Variants in SCHIP1 observed in about 807,000 individuals in gnomAD.
SCHIP1 encodes the protein schwannomin interacting protein 1.
A neutral mutation model predicts 29.7 loss-of-function variants in SCHIP1; 8 were observed. The ratio of observed to expected loss-of-function variants is 0.27; its 90% CI spans 0.16 to 0.49. The LOEUF (loss-of-function observed/expected upper bound fraction) is 0.49, where lower values mean the gene tolerates loss of function less well. Among genes scored for constraint, SCHIP1 ranks in the 20% least tolerant of loss-of-function variants. The probability of loss-of-function intolerance (pLI) is 0.99; values close to 1 mark genes in which losing one functional copy is unlikely to be tolerated. For missense variants in SCHIP1, 193 were observed against 294.6 expected (o/e 0.66, Z 2.52); for synonymous variants, 76 against 94.9 (o/e 0.80, Z 1.16).
At chr3:159,631,896 T>G in the SCHIP1 span, among the ~76,000 whole-genome samples, 3 of 152,160 alleles carry the variant, frequency 2.0e-5, no homozygotes, top group Non-Finnish European at 2.9e-5. Context: ...TAACAATGGT[T>G]TCTCTGTGTG....
chr3:159,641,583 A>G, the SCHIP1 span, among the ~76,000 whole-genome samples: 1 of 152,136 alleles, frequency 6.6e-6, no homozygotes. Flanking sequence ...CTGAGAAATG[A>G]CACTCAAATA....
the SCHIP1 span, among the ~76,000 whole-genome samples, chr3:159,368,889 G>A: frequency 3.3e-5 from 5 of 152,206 alleles, no homozygotes; most frequent in Non-Finnish European, 7.3e-5. Context: ...GTTATTGAGT[G>A]TAACCAAATT....
chr3:159,452,874 G>T, the SCHIP1 span, among the ~76,000 whole-genome samples: 2 of 152,172 alleles, frequency 1.3e-5, no homozygotes, highest in Non-Finnish European at 2.9e-5. Flanking sequence ...ATGCAAGAGA[G>T]AATTTTTTAA....
chr3:159,496,338 T>G, the SCHIP1 span, among the ~76,000 whole-genome samples: 5 of 151,698 alleles, frequency 3.3e-5, no homozygotes, highest in Non-Finnish European at 7.4e-5. Flanking sequence ...TGGGAGAAAA[T>G]TTTTGCAACC....
At chr3:159,496,279 C>T in the SCHIP1 span, among the ~76,000 whole-genome samples, 1 of 152,174 alleles carries the variant, frequency 6.6e-6, no homozygotes, top group African/African-American at 2.4e-5. Flanking sequence ...TAAAGAGCTT[C>T]TGCACAGCAA....
chr3:159,353,618 C>T, the SCHIP1 span, among the ~76,000 whole-genome samples: 5 of 152,116 alleles, frequency 3.3e-5, no homozygotes, highest in South Asian at 2.1e-4. Flanking sequence ...AAATAAAAAT[C>T]GGGGCTAAAA....
At chr3:159,599,733 T>C in the SCHIP1 span, among the ~76,000 whole-genome samples, 3 of 152,220 alleles carry the variant, frequency 2.0e-5, no homozygotes, top group South Asian at 4.1e-4. Context: ...CTTAATCTTA[T>C]TGTCATTGCG....
chr3:159,552,179 G>A, the SCHIP1 span, among the ~76,000 whole-genome samples: 1 of 151,652 alleles, frequency 6.6e-6, no homozygotes, highest in Admixed American at 6.6e-5. Flanking sequence ...CCAAGTAGCT[G>A]GGATTACAGG....
chr3:159,605,667 C>T, the SCHIP1 span, among the ~76,000 whole-genome samples: 1 of 152,102 alleles, frequency 6.6e-6, no homozygotes, highest in East Asian at 1.9e-4. Flanking sequence ...AAAAAAACAG[C>T]TACGTTAAAG....
At chr3:159,504,286 C>G in the SCHIP1 span, among the ~76,000 whole-genome samples, 11 of 152,240 alleles carry the variant, frequency 7.2e-5, no homozygotes, top group South Asian at 2.3e-3. Context: ...AAGGAGCTAA[C>G]CAGAAATTAT....
chr3:159,672,017 A>C, the SCHIP1 span, among the ~76,000 whole-genome samples: 181 of 152,316 alleles, frequency 1.2e-3, no homozygotes, highest in African/African-American at 4.0e-3. Flanking sequence ...CGCTCAAAAC[A>C]ATCCTTTGAC....
At chr3:159,374,727 G>T in the SCHIP1 span, among the ~76,000 whole-genome samples, 12 of 151,982 alleles carry the variant, frequency 7.9e-5, no homozygotes, top group Admixed American at 2.0e-4. Flanking sequence ...ACTTAATATT[G>T]CTTGTGCCTG....
chr3:159,746,166 T>C, the SCHIP1 span, among the ~76,000 whole-genome samples: 1 of 152,224 alleles, frequency 6.6e-6, no homozygotes, highest in African/African-American at 2.4e-5. Context: ...TATAGAATTA[T>C]AGATATAAAA....
the SCHIP1 span, among the ~76,000 whole-genome samples, chr3:159,833,757 A>T: frequency 1.3e-5 from 2 of 152,134 alleles, no homozygotes; most frequent in South Asian, 4.2e-4. Context: ...TCAACTGCGA[A>T]TTTTATGATG....
At chr3:159,817,329 G>A in the SCHIP1 span, among the ~76,000 whole-genome samples, 1 of 152,118 alleles carries the variant, frequency 6.6e-6, no homozygotes, top group Admixed American at 6.5e-5. Context: ...CGGGTGGCGG[G>A]GTCGAGGAGA....
At chr3:159,663,726 ATAT>A in the SCHIP1 span, among the ~76,000 whole-genome samples, 9 of 152,196 alleles carry the variant, frequency 5.9e-5, no homozygotes, top group African/African-American at 2.2e-4. Context: ...AGTCTTTCAA[ATAT>A]TATTTATTTC....
the SCHIP1 span, among the ~76,000 whole-genome samples, chr3:159,740,219 A>C: frequency 6.6e-6 from 1 of 152,242 alleles, no homozygotes; most frequent in Non-Finnish European, 1.5e-5. Context: ...GGGGAGGAGC[A>C]TCCTGTCCCC....
intron 2 of SCHIP1, among the ~76,000 whole-genome samples, chr3:159,884,012 C>CT (rs1716712305): frequency 6.6e-6 from 1 of 152,076 alleles, no homozygotes; most frequent in African/African-American, 2.4e-5. Context: ...CTTTATTTTG[C>CT]TTTGTGTTTT....
chr3:159,663,283 G>A, the SCHIP1 span, among the ~76,000 whole-genome samples: 1 of 152,178 alleles, frequency 6.6e-6, no homozygotes, highest in Non-Finnish European at 1.5e-5. Flanking sequence ...AAAAGCCTGA[G>A]TAACCCTTGG....
Sources: allele counts gnomAD v4.1 joint callset (sites outside exome capture counted in the v4.1 genomes callset), GRCh38; gene constraint gnomAD v4.1.1; transcripts MANE v1.5; gene names NCBI Gene and HGNC (gene_info 2026-07-23, HGNC 2026-07-21).